DOCK3: variants seen among roughly 807,000 people sequenced by gnomAD.
DOCK3 encodes the protein dedicator of cytokinesis 3.
A neutral mutation model predicts 265.6 loss-of-function variants in DOCK3; 60 were observed. The observed-to-expected ratio is 0.23, with a 90% confidence interval of 0.18 to 0.28. The LOEUF (loss-of-function observed/expected upper bound fraction) is 0.28. Ranked by LOEUF, DOCK3 falls within the 10% of genes least tolerant of loss-of-function variation. The probability of loss-of-function intolerance (pLI) is 1.00; values close to 1 mark genes in which losing one functional copy is unlikely to be tolerated. For missense variants in DOCK3, 1,981 were observed against 2,594.3 expected, an observed-to-expected ratio of 0.76 and a Z score of 5.14; for synonymous variants, 881 against 938.0, an observed-to-expected ratio of 0.94 and a Z score of 1.11.
chr3:51,158,492 C>T (rs1220934535), intron 10 of DOCK3, among the ~76,000 whole-genome samples: 7 of 152,008 alleles, frequency 4.6e-5, no homozygotes, highest in Non-Finnish European at 8.8e-5. Context: ...TGCAGTGAGC[C>T]GTGATCGCAC....
intron 1 of DOCK3, among the ~76,000 whole-genome samples, chr3:50,694,603 G>GT (rs1164151167): frequency 6.6e-6 from 1 of 152,186 alleles, no homozygotes; most frequent in Non-Finnish European, 1.5e-5. Context: ...AAGGCCAGGA[G>GT]TTTGAGACTA....
intron 5 of DOCK3, among the ~76,000 whole-genome samples, chr3:51,027,210 A>G (rs1559960698): frequency 6.6e-6 from 1 of 151,984 alleles, no homozygotes; most frequent in Non-Finnish European, 1.5e-5. Context: ...TTTTACGCAA[A>G]AGTTGTCCAG....
intron 3 of DOCK3, among the ~76,000 whole-genome samples, chr3:50,845,132 A>C (rs1294851741): frequency 6.6e-6 from 1 of 152,130 alleles, no homozygotes; most frequent in Non-Finnish European, 1.5e-5. Context: ...CTGAGGCAGG[A>C]GAATCGCTTG....
At chr3:51,249,951 G>C (rs2079108583) in intron 22 of DOCK3, among the ~76,000 whole-genome samples, 1 of 151,584 alleles carries the variant, frequency 6.6e-6, no homozygotes, top group Admixed American at 6.6e-5. Flanking sequence ...TCTGCCTTGG[G>C]ATCCTGTTGA....
At chr3:50,965,846 A>C (rs2077013214) in intron 5 of DOCK3, among the ~76,000 whole-genome samples, 1 of 152,168 alleles carries the variant, frequency 6.6e-6, no homozygotes, top group African/African-American at 2.4e-5. Context: ...AAAGGTGTAC[A>C]ATGGATGATT....
intron 5 of DOCK3, among the ~76,000 whole-genome samples, chr3:51,044,377 G>A (rs916512310): frequency 1.3e-5 from 2 of 152,088 alleles, no homozygotes; most frequent in Non-Finnish European, 2.9e-5. Context: ...GAAGCTAAAT[G>A]ATGAGAGCAC....
chr3:51,016,743 AT>A (rs2079313046), intron 5 of DOCK3, among the ~76,000 whole-genome samples: 1 of 66,214 alleles, frequency 1.5e-5, no homozygotes, highest in Non-Finnish European at 2.4e-5. Flanking sequence ...CATATTATAT[AT>A]ATCAATATAA....
At chr3:50,835,668 T>G (rs1336558640) in intron 2 of DOCK3, among the ~76,000 whole-genome samples, 1 of 152,208 alleles carries the variant, frequency 6.6e-6, no homozygotes, top group Non-Finnish European at 1.5e-5. Context: ...ATGCAGTTTT[T>G]AGGGCCTAAT....
chr3:51,016,705 A>G (rs2079301235), intron 5 of DOCK3, among the ~76,000 whole-genome samples: 1 of 87,776 alleles, frequency 1.1e-5, no homozygotes, highest in African/African-American at 4.9e-5. Context: ...ATAAATATAT[A>G]TTATATATCA....
At chr3:50,787,568 G>T in intron 2 of DOCK3, 1 of 885,464 alleles carries the variant, frequency 1.1e-6, no homozygotes, top group Non-Finnish European at 1.8e-6. Context: ...ACTTCTCACA[G>T]GTCACACTTA....
intron 12 of DOCK3, among the ~76,000 whole-genome samples, chr3:51,208,298 G>A (rs1327057287): frequency 6.6e-6 from 1 of 152,174 alleles, no homozygotes; most frequent in East Asian, 1.9e-4. Flanking sequence ...CATGCAAATA[G>A]TATCAACATT....
chr3:51,346,436 A>C (rs2085580381), intron 38 of DOCK3, among the ~76,000 whole-genome samples: 1 of 152,166 alleles, frequency 6.6e-6, no homozygotes, highest in Non-Finnish European at 1.5e-5. Context: ...GATGGATTCC[A>C]GCTTCATCCA....
chr3:51,196,015 A>G (rs2088274006), intron 12 of DOCK3, among the ~76,000 whole-genome samples: 1 of 151,918 alleles, frequency 6.6e-6, no homozygotes, highest in Admixed American at 6.6e-5. Flanking sequence ...AGCTCACTGC[A>G]GCCTCAACTT....
intron 5 of DOCK3, among the ~76,000 whole-genome samples, chr3:50,977,733 G>A (rs1480629886): frequency 6.6e-6 from 1 of 152,120 alleles, no homozygotes; most frequent in Non-Finnish European, 1.5e-5. Flanking sequence ...ATATCCTGCA[G>A]AGTGTTTTCC....
intron 19 of DOCK3, among the ~76,000 whole-genome samples, chr3:51,233,692 A>G (rs974986516): frequency 6.6e-6 from 1 of 152,106 alleles, no homozygotes; most frequent in East Asian, 1.9e-4. Context: ...CTCTGTAATT[A>G]TGCTTGTAGA....
At chr3:51,222,474 T>C (rs1407370298) in intron 14 of DOCK3, among the ~76,000 whole-genome samples, 1 of 152,200 alleles carries the variant, frequency 6.6e-6, no homozygotes, top group Admixed American at 6.5e-5. Context: ...GAGAGCTTGA[T>C]TGAAGTGATC....
rs770713754 is a variant in DOCK3 at position 51,146,639 on chromosome 3, G to A, written c.828+9G>A. ...TGTGTGCCCTTTTTACAGTATGTACGAATTCTCTTTTTCTTCTTTGCTGTT... is the reference window on the plus strand; with the variant it reads ...TGTGTGCCCTTTTTACAGTATGTACAAATTCTCTTTTTCTTCTTTGCTGTT... On this transcript the variant is annotated intron_variant, in intron 10 of 52. Transcript: ENST00000266037. 7.6e-6 allele frequency: 12 copies of A among 1,572,672 alleles called. No individual in the cohort carries two copies. The highest frequency in any genetic ancestry group is 4.0e-5 in the African/African-American group (3 of 74,150).
chr3:51,356,175 T>G lies in DOCK3; in HGVS notation c.4336T>G (p.Tyr1446Asp), dbSNP rs567846490. Reference sequence around the variant, plus strand: ...GGTACCAGATCGAGTCAAGAGCTTCTATCGCGTCAACAATGTGAGGAAGTT... The same window carrying G: ...GGTACCAGATCGAGTCAAGAGCTTCGATCGCGTCAACAATGTGAGGAAGTT... ...DRVPDRVKSF[Y>D]RVNNVRKFRY... Residue 1446 changes from tyrosine to aspartate, a missense_variant, in exon 42 of 53, where the codon TAT becomes GAT. Physicochemically the swap from Tyr to Asp is radical, Grantham distance 160 (BLOSUM62 -3). Around this residue, in one of 4 missense-constraint regions of DOCK3, gnomAD observed 1,357 missense variants for 1,866.8 expected, o/e 0.73. Transcript: ENST00000266037. 6.2e-7 allele frequency: 1 copy of G among 1,614,018 alleles called. No individual in the cohort carries two copies. The highest frequency in any genetic ancestry group is 1.3e-5 in the African/African-American group (1 of 75,050).
intron 4 of DOCK3, among the ~76,000 whole-genome samples, chr3:50,929,571 G>A (rs1431933565): frequency 6.6e-6 from 1 of 152,152 alleles, no homozygotes; most frequent in Non-Finnish European, 1.5e-5. Context: ...CTAGTCACCA[G>A]TGCTGGCTTT....
Sources: allele counts gnomAD v4.1 joint callset (sites outside exome capture counted in the v4.1 genomes callset), GRCh38; gene constraint gnomAD v4.1.1; regional missense constraint gnomAD v4.1.1; transcripts MANE v1.5; gene names NCBI Gene and HGNC (gene_info 2026-07-23, HGNC 2026-07-21).